Variants in CHRNA7 observed in about 807,000 individuals in gnomAD.
CHRNA7 encodes neuronal acetylcholine receptor subunit alpha-7.
Under a neutral mutation model 48.0 loss-of-function variants are expected in CHRNA7, and 17 were observed. That is an observed-to-expected ratio of 0.35 (90% CI 0.24 to 0.53). The LOEUF (loss-of-function observed/expected upper bound fraction) is 0.53, where lower values mean the gene tolerates loss of function less well. Among genes scored for constraint, CHRNA7 ranks in the 20% least tolerant of loss-of-function variants. The pLI, the probability that CHRNA7 is intolerant of heterozygous loss-of-function variation, is 0.92. For missense variants in CHRNA7, 155 were observed against 577.7 expected (o/e 0.27, Z 7.50); for synonymous variants, 75 against 242.3 (o/e 0.31, Z 6.41).
intron 2 of CHRNA7, among the ~76,000 whole-genome samples, chr15:32,039,095 G>A (rs1444701621): frequency 1.3e-5 from 2 of 152,102 alleles, no homozygotes; most frequent in African/African-American, 4.8e-5. Flanking sequence ...ATGCCCATGG[G>A]CTGTGTAATG....
chr15:32,110,237 G>T (rs998552828), intron 3 of CHRNA7, among the ~76,000 whole-genome samples: 1 of 152,210 alleles, frequency 6.6e-6, no homozygotes, highest in African/African-American at 2.4e-5. Context: ...GAAGCACAGG[G>T]CAGAGGTGCC....
rs199837388 is a variant in CHRNA7 at position 32,169,032 on chromosome 15, TAAAAAA to T, written c.*585_*590del. 1 of 132,268 alleles carries T rather than the reference TAAAAAA, an allele frequency of 7.6e-6. No homozygotes were observed. The highest frequency in any genetic ancestry group is 2.2e-4 in the East Asian group (1 of 4,602). 8.2% of individuals were successfully genotyped at this position (132,268 alleles called of 1,614,324 possible). ...AAACAGCTTGATGCTGTTTCTACATTAAAAAAAAAAAAAAAAGACAGACTGTTGGTC... is the reference window on the plus strand; with the variant it reads ...AAACAGCTTGATGCTGTTTCTACATTAAAAAAAAAAGACAGACTGTTGGTC... On this transcript the variant is annotated 3_prime_UTR_variant, in exon 10 of 10. Coordinates refer to ENST00000306901, the MANE Select transcript of CHRNA7 (RefSeq NM_000746.6).
intron 2 of CHRNA7, among the ~76,000 whole-genome samples, chr15:32,068,592 G>A (rs1474788927): frequency 6.6e-6 from 1 of 151,952 alleles, no homozygotes; most frequent in African/African-American, 2.4e-5. Context: ...ACATGGTGGT[G>A]GGCGCCTGTA....
intron 3 of CHRNA7, among the ~76,000 whole-genome samples, chr15:32,104,696 G>A (rs917013522): frequency 2.6e-5 from 4 of 152,124 alleles, no homozygotes; most frequent in African/African-American, 4.8e-5. Flanking sequence ...AAAAACTCAA[G>A]GTGAACCTTG....
At chr15:32,158,789 GT>G (rs2051830930) in intron 7 of CHRNA7, 183 bp downstream of exon 7, 5 of 527,046 alleles carry the variant, frequency 9.5e-6, no homozygotes, top group Non-Finnish European at 1.3e-5. Context: ...TTCGGGCTCC[GT>G]GCTGGACGGC....
intron 4 of CHRNA7, among the ~76,000 whole-genome samples, chr15:32,146,599 A>C (rs913519835): frequency 1.3e-5 from 2 of 152,338 alleles, no homozygotes; most frequent in East Asian, 3.9e-4. Context: ...TACAACAGAC[A>C]GTTAGAAAAT....
chr15:32,123,827 G>A (rs961008576), intron 4 of CHRNA7, among the ~76,000 whole-genome samples: 1 of 151,950 alleles, frequency 6.6e-6, no homozygotes, highest in African/African-American at 2.4e-5. Flanking sequence ...TTGTGCCCCT[G>A]TGCCCATGTA....
intron 1 of CHRNA7, 100 bp downstream of exon 1, chr15:32,030,749 C>T (rs1307997829): frequency 1.3e-6 from 2 of 1,516,486 alleles, no homozygotes; most frequent in Admixed American, 4.3e-5. Context: ...TTGGGATCTC[C>T]CCGCCGCCGG....
Position 32,030,905 on chromosome 15 carries a change from G to A in CHRNA7, c.63G>A (p.Leu21=), listed in dbSNP as rs199746651. 8 of 1,614,022 alleles carry A rather than the reference G, an allele frequency of 5.0e-6. No individual in the cohort carries two copies. Among genetic ancestry groups the A allele is most frequent in the Admixed American group, 1.7e-5 (1 of 60,028 alleles). ...ALAASLLHVS[L]QGEFQRKLYK... is the part of the protein sequence containing the mutation. ...GGGTCTTCTCTCCTTAAGTGTCCCT[G>A]CAAGGCGAGTTCCAGAGGAAGCTTT... Residue 21 remains leucine (L), a synonymous_variant, in exon 2 of 10, where the codon CTG becomes CTA. Coordinates refer to ENST00000306901, the MANE Select transcript of CHRNA7 (RefSeq NM_000746.6).
chr15:32,090,776 A>C (rs540969963), intron 2 of CHRNA7, among the ~76,000 whole-genome samples: 2 of 152,324 alleles, frequency 1.3e-5, no homozygotes, highest in South Asian at 2.1e-4. Flanking sequence ...TGAGGAACTC[A>C]TACTTCCTTA....
chr15:32,030,649 G>C lies in CHRNA7; in HGVS notation c.55G>C (p.Val19Leu), dbSNP rs765585399. 1 of 1,577,274 alleles carries C rather than the reference G, an allele frequency of 6.3e-7. No homozygotes were observed. The highest frequency in any genetic ancestry group is 8.6e-7 in the Non-Finnish European group (1 of 1,165,756). Residue 19 changes from valine to leucine, a missense_variant and splice_region_variant, in exon 1 of 10, where the codon GTG becomes CTG. Transcript: ENST00000306901. ...WLALAASLLH[V>L]SLQGEFQRKL... ...GGCGCTGGCCGCGTCGCTCCTGCAC[G>C]GTAAAGCCACTGCCTCCCCGCCCTC...
chr15:32,144,867 C>T (rs1486404985), intron 4 of CHRNA7, among the ~76,000 whole-genome samples: 1 of 152,148 alleles, frequency 6.6e-6, no homozygotes, highest in Non-Finnish European at 1.5e-5. Context: ...CGAACATGCT[C>T]CTTTAGCTTG....
intron 4 of CHRNA7, among the ~76,000 whole-genome samples, chr15:32,113,915 A>C (rs1473608170): frequency 1.3e-5 from 2 of 151,208 alleles, no homozygotes; most frequent in African/African-American, 4.9e-5. Flanking sequence ...CTGTAGTGCC[A>C]GCTACTCAGG....
At chr15:32,080,002 C>G (rs1198809941) in intron 2 of CHRNA7, among the ~76,000 whole-genome samples, 2 of 152,094 alleles carry the variant, frequency 1.3e-5, no homozygotes, top group Non-Finnish European at 2.9e-5. Context: ...GACCACACAT[C>G]TAAAACCATC....
In CHRNA7 at chr15:32,162,237, G is replaced by C. The variant is rs1447823160; in HGVS notation, c.881-989G>C. On this transcript the variant is annotated intron_variant, in intron 8 of 9. Coordinates refer to ENST00000306901, the MANE Select transcript of CHRNA7 (RefSeq NM_000746.6). ...ATTGATTACATCATTGGCCACTGGC[G>C]ATCCACTCAACCGTCAGTACCTCTT... 2.4e-4 allele frequency: 36 copies of C among 147,462 alleles called. No individual in the cohort carries two copies. The East Asian group carries it at 3.0e-3, about 12-fold the overall frequency. 9.1% of individuals were successfully genotyped at this position (147,462 alleles called of 1,614,324 possible).
At chr15:32,098,032 G>T (rs1000110150) in intron 2 of CHRNA7, among the ~76,000 whole-genome samples, 13 of 152,240 alleles carry the variant, frequency 8.5e-5, no homozygotes, top group Admixed American at 7.9e-4. Flanking sequence ...ATGTCCTTCT[G>T]CCGGGGGCCA....
chr15:32,114,129 T>TAC (rs551550393), intron 4 of CHRNA7, among the ~76,000 whole-genome samples: 2,813 of 142,664 alleles, frequency 0.02, 61 homozygotes, highest in African/African-American at 0.061. Flanking sequence ...TACATATACA[T>TAC]ACACACACAC....
chr15:32,129,629 G>A (rs890067703), intron 4 of CHRNA7, among the ~76,000 whole-genome samples: 1 of 151,714 alleles, frequency 6.6e-6, no homozygotes, highest in African/African-American at 2.4e-5. Flanking sequence ...GAATACATTC[G>A]TGGTATTAGT....
intron 4 of CHRNA7, among the ~76,000 whole-genome samples, chr15:32,117,473 A>C (rs2050892967): frequency 6.6e-6 from 1 of 152,104 alleles, no homozygotes; most frequent in Non-Finnish European, 1.5e-5. Flanking sequence ...TGAGCCATCC[A>C]CTCAAGTTCT....
Sources: gnomAD v4.1 joint callset for allele counts (sites outside exome capture counted in the v4.1 genomes callset) on GRCh38, gnomAD v4.1.1 for gene constraint, MANE v1.5 for transcripts, NCBI Gene and HGNC (gene_info 2026-07-23, HGNC 2026-07-21) for gene names.